Variants in FH observed in about 807,000 individuals in gnomAD.
FH encodes the protein fumarate hydratase, mitochondrial.
A neutral mutation model predicts 49.4 loss-of-function variants in FH; 22 were observed. The observed-to-expected ratio is 0.45, with a 90% confidence interval of 0.32 to 0.64. The LOEUF is 0.64. Ranked by LOEUF, FH falls within the 30% of genes least tolerant of loss-of-function variation. The pLI is 0.05. For synonymous variants in FH, 208 were observed against 223.0 expected (o/e 0.93, Z 0.60); for missense variants, 526 against 641.5 (o/e 0.82, Z 1.95).
At chr1:241,509,359 A>G (rs1295676444) in intron 4 of FH, among the ~76,000 whole-genome samples, 1 of 152,176 alleles carries the variant, frequency 6.6e-6, no homozygotes, top group African/African-American at 2.4e-5. Context: ...AAAAATAGGA[A>G]AGCCAAGCCC....
chr1:241,518,484 T>G lies in FH; in HGVS notation c.132+1107A>C, dbSNP rs115807771. Among the ~76,000 whole-genome samples, 887 of 152,314 alleles carry G rather than the reference T, an allele frequency of 5.8e-3. 10 individuals carry two copies. Among genetic ancestry groups the G allele is most frequent in the African/African-American group, 0.02 (847 of 41,564 alleles). On this transcript the variant is annotated intron_variant, in intron 1 of 9. Transcript: ENST00000366560. The stretch of plus-strand genomic sequence containing the variant: ...AACATCTCTGATTCTGTAGTATAGT[T>G]GTATATCGTAGGTATAGTGACCCAA...
chr1:241,511,058 T>C (rs1660071237), intron 4 of FH, among the ~76,000 whole-genome samples: 1 of 152,198 alleles, frequency 6.6e-6, no homozygotes, highest in Non-Finnish European at 1.5e-5. Context: ...TTCTACAAAA[T>C]ACCTGACCAC....
At chr1:241,513,000 A>G (rs1429859176) in intron 3 of FH, among the ~76,000 whole-genome samples, 2 of 152,072 alleles carry the variant, frequency 1.3e-5, no homozygotes, top group African/African-American at 4.8e-5. Flanking sequence ...CGTAAAATAC[A>G]TATATTTTTG....
intron 6 of FH, among the ~76,000 whole-genome samples, chr1:241,505,481 T>C (rs1659905144): frequency 6.6e-6 from 1 of 152,174 alleles, no homozygotes; most frequent in Non-Finnish European, 1.5e-5. Flanking sequence ...TCTGGTAACA[T>C]CTACATCTTA....
intron 7 of FH, 76 bp from the exon 8 acceptor site, chr1:241,502,646 C>A (rs1378021288): frequency 4.0e-6 from 6 of 1,505,846 alleles, no homozygotes; most frequent in Non-Finnish European, 5.5e-6. Context: ...AATCTAATTT[C>A]ACTAAATAGA....
chr1:241,519,508 G>A (rs1377830540), intron 1 of FH, 83 bp downstream of exon 1: 3 of 1,473,358 alleles, frequency 2.0e-6, no homozygotes, highest in Middle Eastern at 2.4e-4. Flanking sequence ...AATCTCTCCC[G>A]CCAAGTCGCG....
In FH at chr1:241,519,582, T is replaced by C; in HGVS notation, c.132+9A>G. ...GCGGGGAGGCCGGGGGATGGCGGCCTGCGCTCACCATTCGAGCCGCGTTCG... is the reference window on the plus strand; with the variant it reads ...GCGGGGAGGCCGGGGGATGGCGGCCCGCGCTCACCATTCGAGCCGCGTTCG... On this transcript the variant is annotated intron_variant, in intron 1 of 9. Transcript: ENST00000366560. The C allele has an allele frequency of 2.6e-6, 4 of 1,546,574 alleles. No homozygotes were observed. Among genetic ancestry groups the C allele is most frequent in the Non-Finnish European group, 3.5e-6 (4 of 1,145,868 alleles).
intron 2 of FH, among the ~76,000 whole-genome samples, chr1:241,515,487 C>T (rs552947692): frequency 5.9e-5 from 9 of 152,152 alleles, no homozygotes; most frequent in African/African-American, 1.7e-4. Flanking sequence ...CGTAGTCAAA[C>T]TATGTTTACC....
chr1:241,502,308 T>C, intron 8 of FH, 135 bp downstream of exon 8: 1 of 944,554 alleles, frequency 1.1e-6, no homozygotes. Context: ...GGTAACTTAA[T>C]AAATGCTTGA....
In FH at chr1:241,504,256, G is replaced by A. The variant is rs1659858549; in HGVS notation, c.905-11C>T. ...TGACAAAAGGCAAGCCTAAAGAAAA[G>A]AAAAATATCCTAGATGGGTGAACAA... is the stretch of plus-strand genomic sequence containing the variant. On this transcript the variant is annotated splice_polypyrimidine_tract_variant and intron_variant, in intron 6 of 9. Coordinates refer to ENST00000366560, the MANE Select transcript of FH (RefSeq NM_000143.4). 1 of 1,612,170 alleles carries A rather than the reference G, an allele frequency of 6.2e-7. No homozygotes were observed. Among genetic ancestry groups the A allele is most frequent in the Non-Finnish European group, 8.5e-7 (1 of 1,178,740 alleles).
chr1:241,502,205 G>C (rs548551026), intron 8 of FH, among the ~76,000 whole-genome samples: 1 of 152,098 alleles, frequency 6.6e-6, no homozygotes, highest in African/African-American at 2.4e-5. Flanking sequence ...GGCTTGTAGG[G>C]AGGCATTTTA....
chr1:241,519,568 G>A (rs199773298), intron 1 of FH, 23 bp downstream of exon 1: 30 of 1,543,248 alleles, frequency 1.9e-5, no homozygotes, highest in African/African-American at 2.8e-5. Flanking sequence ...CGGGGAGGCC[G>A]GGGGATGGCG....
In FH at chr1:241,512,102, T is replaced by C. The variant is rs1180706892; in HGVS notation, c.420A>G (p.Val140=). The change falls in exon 4 of 10, where the codon GTA becomes GTG. Residue 140 remains valine, a synonymous_variant. Coordinates refer to ENST00000366560, the MANE Select transcript of FH (RefSeq NM_000143.4). ...TCTGAGTTCCTGATCCAGTCTGCCA[T>C]ACCACGAGAGGAAAATGATCATTTA... ...GKLNDHFPLV[V]WQTGSGTQTN... The C allele has an allele frequency of 6.2e-7, 1 of 1,613,920 alleles. No homozygotes were observed. Among genetic ancestry groups the C allele is most frequent in the Admixed American group, 1.7e-5 (1 of 60,020 alleles).
rs201532589 is a variant in FH at position 241,513,635 on chromosome 1, T to A, written c.346A>T (p.Ile116Phe). 169 of 1,613,986 alleles carry A rather than the reference T, an allele frequency of 1.0e-4. No homozygotes were observed. Among genetic ancestry groups the A allele is most frequent in the Non-Finnish European group, 1.4e-4 (161 of 1,179,972 alleles). Reference protein sequence around the residue: ...VNQDYGLDPKIANAIMKAADE... With the variant: ...VNQDYGLDPKFANAIMKAADE... Reference sequence around the variant, plus strand: ...GCTGCCTTCATTATTGCATTAGCAATCTTTGGATCAAGACCATAATCCTGG... The same window carrying A: ...GCTGCCTTCATTATTGCATTAGCAAACTTTGGATCAAGACCATAATCCTGG... Residue 116 changes from isoleucine (I) to phenylalanine (F), a missense_variant, in exon 3 of 10, where the codon ATT becomes TTT. Transcript: ENST00000366560.
At chr1:241,516,808 G>A (rs747259206) in intron 2 of FH, among the ~76,000 whole-genome samples, 2 of 151,910 alleles carry the variant, frequency 1.3e-5, no homozygotes, top group African/African-American at 2.4e-5. Flanking sequence ...GCGCGCCACC[G>A]TGCCCGGCTA....
chr1:241,504,911 TC>T (rs1659874413), intron 6 of FH, among the ~76,000 whole-genome samples: 1 of 150,136 alleles, frequency 6.7e-6, no homozygotes, highest in African/African-American at 2.5e-5. Context: ...ATACCTTTTT[TC>T]TTTTTTTTTT....
chr1:241,509,966 T>C (rs1660042323), intron 4 of FH, among the ~76,000 whole-genome samples: 1 of 152,218 alleles, frequency 6.6e-6, no homozygotes, highest in Non-Finnish European at 1.5e-5. Context: ...CTTATGTACC[T>C]GTCACCTGAA....
intron 3 of FH, among the ~76,000 whole-genome samples, chr1:241,513,338 T>A (rs1660137374): frequency 6.6e-6 from 1 of 152,102 alleles, no homozygotes. Context: ...TGATATCTTT[T>A]CAAAAAATTT....
intron 5 of FH, among the ~76,000 whole-genome samples, chr1:241,507,519 A>C (rs1051171741): frequency 6.6e-6 from 1 of 152,200 alleles, no homozygotes; most frequent in African/African-American, 2.4e-5. Flanking sequence ...TCCCAATAAA[A>C]GCAAGTATAA....
Sources: allele counts gnomAD v4.1 joint callset (sites outside exome capture counted in the v4.1 genomes callset), GRCh38; gene constraint gnomAD v4.1.1; transcripts MANE v1.5; gene names NCBI Gene and HGNC (gene_info 2026-07-23, HGNC 2026-07-21).